Variants in MAS1 observed in about 807,000 individuals in gnomAD.
MAS1 encodes proto-oncogene Mas.
For missense variants in MAS1, 387 were observed against 409.7 expected (o/e 0.94, Z 0.48); for synonymous variants, 163 against 164.2 (o/e 0.99, Z 0.05).
Position 159,907,667 on chromosome 6 carries a change from C to G in MAS1, c.712C>G (p.Leu238Val). 1 of 1,613,768 alleles carries G rather than the reference C, an allele frequency of 6.2e-7. No individual in the cohort carries two copies. The highest frequency in any genetic ancestry group is 8.5e-7 in the Non-Finnish European group (1 of 1,179,978). ...CATCATGGTCACCATCATTATATTCCTCATCTTCGCTATGCCCATGAGACT... is the reference window on the plus strand; with the variant it reads ...CATCATGGTCACCATCATTATATTCGTCATCTTCGCTATGCCCATGAGACT... ...IVIMVTIIIF[L>V]IFAMPMRLLY... is the part of the protein sequence containing the mutation. Residue 238 changes from leucine to valine, a missense_variant, in exon 3 of 3, where the codon CTC becomes GTC. Transcript: ENST00000674077.
Position 159,911,788 on chromosome 6 carries a change from A to T in MAS1, c.*3855A>T, listed in dbSNP as rs1335504019. On this transcript the variant is annotated 3_prime_UTR_variant, in exon 3 of 3. Transcript: ENST00000674077. ...AAGGGGAATAGAAGCAACCGGAAGA[A>T]CTCTTCCAGACATCCCCGCTGTCCC... is the stretch of plus-strand genomic sequence containing the variant. 6.6e-6 allele frequency: 1 copy of T among 151,630 alleles called. No homozygotes were observed. Among genetic ancestry groups the T allele is most frequent in the Non-Finnish European group, 1.5e-5 (1 of 67,960 alleles). 9.4% of individuals were successfully genotyped at this position (151,630 alleles called of 1,614,324 possible).
chr6:159,899,774 G>A (rs1001789341), intron 2 of MAS1, among the ~76,000 whole-genome samples: 3 of 152,136 alleles, frequency 2.0e-5, no homozygotes, highest in Non-Finnish European at 4.4e-5. Context: ...GAGGCCGGGC[G>A]CGGTAGCTCA....
chr6:159,906,878 TC>T (rs1782893075), intron 2 of MAS1, 41 bp from the exon 3 acceptor site: 6 of 1,437,304 alleles, frequency 4.2e-6, no homozygotes, highest in East Asian at 4.6e-5. Context: ...TCAACAATTT[TC>T]ATGGCTTTTT....
chr6:159,900,293 C>T (rs1404627544), intron 2 of MAS1, among the ~76,000 whole-genome samples: 2 of 152,132 alleles, frequency 1.3e-5, no homozygotes, highest in African/African-American at 2.4e-5. Flanking sequence ...CAGCAATTAC[C>T]CTTCTACTCT....
intron 1 of MAS1, among the ~76,000 whole-genome samples, chr6:159,897,297 T>G (rs1432175718): frequency 6.6e-6 from 1 of 152,188 alleles, no homozygotes; most frequent in Non-Finnish European, 1.5e-5. Flanking sequence ...TGCGGTCTTC[T>G]GTTTCTGGGT....
At chr6:159,890,428 C>A (rs1252861532), upstream of MAS1, among the ~76,000 whole-genome samples, 4 of 152,318 alleles carry the variant, frequency 2.6e-5, no homozygotes, top group East Asian at 7.7e-4. Flanking sequence ...AGACCCCTGC[C>A]TTCACCCCTG....
intron 2 of MAS1, among the ~76,000 whole-genome samples, chr6:159,905,660 C>A (rs1163260302): frequency 6.6e-6 from 1 of 152,184 alleles, no homozygotes; most frequent in Non-Finnish European, 1.5e-5. Flanking sequence ...TCACCAGAAC[C>A]ATTCAAGTGC....
At chr6:159,888,841 T>A (rs1344488267), upstream of MAS1, among the ~76,000 whole-genome samples, 1 of 152,206 alleles carries the variant, frequency 6.6e-6, no homozygotes, top group Non-Finnish European at 1.5e-5. Flanking sequence ...GGGAGAATGA[T>A]TACTCACAAA....
chr6:159,908,121 G>A lies in MAS1; in HGVS notation c.*188G>A, dbSNP rs948510079. 7.2e-6 allele frequency: 4 copies of A among 552,186 alleles called. No homozygotes were observed. Among genetic ancestry groups the A allele is most frequent in the Admixed American group, 7.8e-5 (2 of 25,664 alleles). The allele number at this position is 552,186 out of a possible 1,614,324, so 34.2% of individuals were successfully genotyped here. A position where few individuals can be genotyped will look rare whatever the true frequency, so the allele number is the denominator to read the frequency against. On this transcript the variant is annotated 3_prime_UTR_variant, in exon 3 of 3. Transcript: ENST00000674077. ...CTTCTGGAAATGACCTGTCATTTCT[G>A]TACTTGACAAAGACTCTATTTCTTT...
chr6:159,905,557 G>A (rs1330195340), intron 2 of MAS1, among the ~76,000 whole-genome samples: 1 of 152,156 alleles, frequency 6.6e-6, no homozygotes, highest in South Asian at 2.1e-4. Flanking sequence ...GCTACCTGCT[G>A]GTCCAGGGTC....
rs1176276909 is a variant in MAS1 at position 159,908,043 on chromosome 6, T to C, written c.*110T>C. 3 of 1,230,586 alleles carry C rather than the reference T, an allele frequency of 2.4e-6. No individual in the cohort carries two copies. The highest frequency in any genetic ancestry group is 3.4e-6 in the Non-Finnish European group (3 of 890,886). 76.2% of individuals were successfully genotyped at this position (1,230,586 alleles called of 1,614,324 possible). A position where few individuals can be genotyped will look rare whatever the true frequency, so the allele number is the denominator to read the frequency against. On this transcript the variant is annotated 3_prime_UTR_variant, in exon 3 of 3. Coordinates refer to ENST00000674077, the MANE Select transcript of MAS1 (RefSeq NM_002377.4). The stretch of plus-strand genomic sequence containing the variant: ...AAATGTGATACAGAAGAACATCTCA[T>C]CCCATATGCATGAGATACTAATTAA...
intron 1 of MAS1, among the ~76,000 whole-genome samples, chr6:159,894,825 A>C (rs575723369): frequency 6.6e-6 from 1 of 152,336 alleles, no homozygotes; most frequent in East Asian, 1.9e-4. Flanking sequence ...AGATGTGTTT[A>C]TTGATAATAG....
intron 2 of MAS1, among the ~76,000 whole-genome samples, chr6:159,905,259 G>C (rs1782871713): frequency 6.6e-6 from 1 of 152,212 alleles, no homozygotes; most frequent in Non-Finnish European, 1.5e-5. Flanking sequence ...GGAACATGGT[G>C]GTCTTACTTG....
Position 159,914,503 on chromosome 6 carries a change from C to A in MAS1, c.*6570C>A, listed in dbSNP as rs1480294787. 1.3e-5 allele frequency: 2 copies of A among 152,170 alleles called. No individual in the cohort carries two copies. The highest frequency in any genetic ancestry group is 2.9e-5 in the Non-Finnish European group (2 of 68,034). The allele number at this position is 152,170 out of a possible 1,614,324, so 9.4% of individuals were successfully genotyped here. A position where few individuals can be genotyped will look rare whatever the true frequency, so the allele number is the denominator to read the frequency against. ...TATATTGCTGCTCTGTCAACATTTC[C>A]CAGTTCAGGGAAGATGTAAGTGGGT... On this transcript the variant is annotated 3_prime_UTR_variant, in exon 3 of 3. Coordinates refer to ENST00000674077, the MANE Select transcript of MAS1 (RefSeq NM_002377.4).
chr6:159,903,964 C>A (rs1228439331), intron 2 of MAS1, among the ~76,000 whole-genome samples: 2 of 152,208 alleles, frequency 1.3e-5, no homozygotes, highest in African/African-American at 2.4e-5. Context: ...AATGGCTCCA[C>A]TCCCATGGTC....
intron 1 of MAS1, among the ~76,000 whole-genome samples, chr6:159,895,323 G>A (rs1197517799): frequency 2.0e-5 from 3 of 152,194 alleles, no homozygotes; most frequent in Non-Finnish European, 4.4e-5. Context: ...AAAAACAAGG[G>A]GGTGGTTTGC....
chr6:159,906,953 C>A lies in MAS1; in HGVS notation c.-3C>A. The A allele has an allele frequency of 6.3e-7, 1 of 1,595,286 alleles. No individual in the cohort carries two copies. Among genetic ancestry groups the A allele is most frequent in the Non-Finnish European group, 8.6e-7 (1 of 1,165,266 alleles). Reference sequence around the variant, plus strand: ...CTGAAGAGTTCCAACCTGAGGCCTCCTCATGGATGGGTCAAACGTGACATC... The same window carrying A: ...CTGAAGAGTTCCAACCTGAGGCCTCATCATGGATGGGTCAAACGTGACATC... On this transcript the variant is annotated 5_prime_UTR_variant, in exon 3 of 3. Coordinates refer to ENST00000674077, the MANE Select transcript of MAS1 (RefSeq NM_002377.4).
chr6:159,904,350 A>C (rs1200737902), intron 2 of MAS1, among the ~76,000 whole-genome samples: 1 of 151,808 alleles, frequency 6.6e-6, no homozygotes, highest in African/African-American at 2.4e-5. Context: ...GGCTCCTGAC[A>C]CTCCCCTGGA....
chr6:159,898,489 A>ACTCCTCCTCCTCCTC (rs780491597), intron 1 of MAS1, among the ~76,000 whole-genome samples: 2 of 125,006 alleles, frequency 1.6e-5, no homozygotes, highest in African/African-American at 6.3e-5. Flanking sequence ...TGATTTCCAG[A>ACTCCTCCTCCTCCTC]CTCCTCCTCC....
Sources: allele counts gnomAD v4.1 joint callset (sites outside exome capture counted in the v4.1 genomes callset), GRCh38; gene constraint gnomAD v4.1.1; transcripts MANE v1.5; gene names NCBI Gene and HGNC (gene_info 2026-07-23, HGNC 2026-07-21).